The following RBM47 variants were observed in gnomAD, a reference collection of about 807,000 sequenced individuals.
The protein encoded by RBM47 is RNA-binding protein 47.
RBM47 carries 21 observed loss-of-function variants against 47.1 expected under a neutral mutation model. That is an observed-to-expected ratio of 0.45 (90% CI 0.32 to 0.64). The LOEUF (loss-of-function observed/expected upper bound fraction) is 0.64. Ranked by LOEUF, RBM47 falls within the 30% of genes least tolerant of loss-of-function variation. The probability of loss-of-function intolerance (pLI) is 0.05; values close to 1 mark genes in which losing one functional copy is unlikely to be tolerated. For missense variants in RBM47, 708 were observed against 870.9 expected (o/e 0.81, Z 2.35); for synonymous variants, 375 against 361.7 (o/e 1.04, Z -0.42).
chr4:40,498,548 C>G (rs574310668), intron 2 of RBM47, among the ~76,000 whole-genome samples: 2 of 151,366 alleles, frequency 1.3e-5, no homozygotes, highest in South Asian at 4.2e-4. Context: ...CATGGTGGTG[C>G]TTGTCTGAAG....
intron 2 of RBM47, among the ~76,000 whole-genome samples, chr4:40,478,561 T>A (rs909960550): frequency 6.6e-6 from 1 of 152,132 alleles, no homozygotes; most frequent in Non-Finnish European, 1.5e-5. Context: ...GAGGAAGAAA[T>A]GGAGCATAGT....
At chr4:40,427,620 G>A (rs192349507) in intron 6 of RBM47, 24 of 152,294 alleles carry the variant, frequency 1.6e-4, no homozygotes, top group African/African-American at 5.8e-4. Context: ...ATGCCTGGTA[G>A]TAAATGCTGG....
chr4:40,525,841 C>T (rs1435821169), intron 2 of RBM47, among the ~76,000 whole-genome samples: 1 of 136,222 alleles, frequency 7.3e-6, no homozygotes, highest in Admixed American at 7.2e-5. Flanking sequence ...TTAAGAAAAA[C>T]CAATCAACTT....
At chr4:40,493,563 C>A (rs561112225) in intron 2 of RBM47, among the ~76,000 whole-genome samples, 2 of 152,262 alleles carry the variant, frequency 1.3e-5, no homozygotes, top group South Asian at 2.1e-4. Context: ...GCAGACAGAT[C>A]ACCTGAGGTC....
chr4:40,461,936 CA>C (rs34793166), intron 3 of RBM47, among the ~76,000 whole-genome samples: 76,661 of 127,650 alleles, frequency 0.6, 21,005 homozygotes, highest in South Asian at 0.73. Flanking sequence ...AACTCCGTCT[CA>C]AAAAAAAAAA....
intron 1 of RBM47, among the ~76,000 whole-genome samples, chr4:40,621,137 T>A (rs1737231606): frequency 6.6e-6 from 1 of 152,312 alleles, no homozygotes; most frequent in East Asian, 1.9e-4. Context: ...GCCTTTTTTT[T>A]ACTGCAAAGA....
intron 2 of RBM47, among the ~76,000 whole-genome samples, chr4:40,483,124 C>T (rs981937207): frequency 6.6e-6 from 1 of 152,210 alleles, no homozygotes; most frequent in African/African-American, 2.4e-5. Flanking sequence ...TCAGTTTAGA[C>T]GGGATGCTAA....
intron 2 of RBM47, among the ~76,000 whole-genome samples, chr4:40,487,256 T>C (rs898519151): frequency 1.3e-5 from 2 of 152,226 alleles, no homozygotes; most frequent in African/African-American, 4.8e-5. Context: ...GACTCCTCCA[T>C]CTGATGATGT....
chr4:40,617,226 C>T (rs1736835455), intron 1 of RBM47, among the ~76,000 whole-genome samples: 1 of 151,978 alleles, frequency 6.6e-6, no homozygotes, highest in Admixed American at 6.6e-5. Flanking sequence ...TGGGATGAAT[C>T]TCTGTTCACA....
intron 1 of RBM47, among the ~76,000 whole-genome samples, chr4:40,562,938 C>T (rs576301834): frequency 2.0e-5 from 3 of 152,290 alleles, no homozygotes; most frequent in Admixed American, 6.5e-5. Flanking sequence ...AAAGCTGTAC[C>T]CCCAAAAGGG....
intron 1 of RBM47, among the ~76,000 whole-genome samples, chr4:40,565,886 T>A (rs947732534): frequency 6.6e-6 from 1 of 151,774 alleles, no homozygotes; most frequent in South Asian, 2.1e-4. Context: ...CTGGGTAACA[T>A]AGGGAGACCC....
Position 40,437,950 on chromosome 4 carries a change from A to C in RBM47, c.944T>G (p.Leu315Arg), listed in dbSNP as rs2154213209. 1 of 1,613,522 alleles carries C rather than the reference A, an allele frequency of 6.2e-7. No homozygotes were observed. Among genetic ancestry groups the C allele is most frequent in the South Asian group, 1.1e-5 (1 of 91,074 alleles). Residue 315 changes from leucine (L) to arginine (R), a missense_variant, in exon 4 of 7, where the codon CTG becomes CGG. By Grantham distance (102) the Leu-to-Arg change is moderately radical. Coordinates refer to ENST00000295971, the MANE Select transcript of RBM47 (RefSeq NM_001098634.2). ...CTGCTCCTTGTCCACGGGCTTGGCCAGCGTGACCTCCAGGCACGAGCCCTC... is the reference window on the plus strand; with the variant it reads ...CTGCTCCTTGTCCACGGGCTTGGCCCGCGTGACCTCCAGGCACGAGCCCTC... ...ELEGSCLEVT[L>R]AKPVDKEQYS... is the part of the protein sequence containing the mutation.
intron 1 of RBM47, among the ~76,000 whole-genome samples, chr4:40,593,128 G>A (rs1169215060): frequency 6.8e-6 from 1 of 147,498 alleles, no homozygotes; most frequent in Non-Finnish European, 1.5e-5. Context: ...CCGAGTAGCT[G>A]GGACTACAGG....
At chr4:40,521,242 C>A (rs1361892827) in intron 2 of RBM47, among the ~76,000 whole-genome samples, 1 of 151,470 alleles carries the variant, frequency 6.6e-6, no homozygotes, top group Non-Finnish European at 1.5e-5. Flanking sequence ...TGCTTGTTGC[C>A]CAGGCTGGAG....
chr4:40,458,327 A>G (rs1716597246), intron 3 of RBM47, among the ~76,000 whole-genome samples: 3 of 152,192 alleles, frequency 2.0e-5, no homozygotes, highest in South Asian at 2.1e-4. Context: ...TTTGGTGAAC[A>G]TTAGTCATTT....
At chr4:40,505,454 T>A (rs1438394385) in intron 2 of RBM47, among the ~76,000 whole-genome samples, 4 of 137,040 alleles carry the variant, frequency 2.9e-5, no homozygotes, top group African/African-American at 1.1e-4. Context: ...CCAGCCTGGG[T>A]GACACAGTAA....
intron 1 of RBM47, among the ~76,000 whole-genome samples, chr4:40,613,143 T>C (rs1256600889): frequency 6.6e-6 from 1 of 152,206 alleles, no homozygotes; most frequent in Non-Finnish European, 1.5e-5. Flanking sequence ...TGTCTCGCCA[T>C]GAAGCTGAAA....
In RBM47 at chr4:40,425,784, T is replaced by C; in HGVS notation, c.*120A>G. On this transcript the variant is annotated 3_prime_UTR_variant, in exon 7 of 7. Transcript: ENST00000295971. Reference sequence around the variant, plus strand: ...GTATATAAAATAATTCAGAAATAAATCTGCTAACATTCTTCACTTTCAGGT... The same window carrying C: ...GTATATAAAATAATTCAGAAATAAACCTGCTAACATTCTTCACTTTCAGGT... The C allele has an allele frequency of 7.3e-7, 1 of 1,373,138 alleles. No homozygotes were observed. Among genetic ancestry groups the C allele is most frequent in the Non-Finnish European group, 9.9e-7 (1 of 1,011,072 alleles). The allele number at this position is 1,373,138 out of a possible 1,614,324, so 85.1% of individuals were successfully genotyped here.
At chr4:40,591,031 G>C (rs908552844) in intron 1 of RBM47, among the ~76,000 whole-genome samples, 3 of 152,108 alleles carry the variant, frequency 2.0e-5, no homozygotes, top group African/African-American at 7.2e-5. Context: ...TCGAACTCCT[G>C]ACCTCAGGTG....
Sources: allele counts gnomAD v4.1 joint callset (sites outside exome capture counted in the v4.1 genomes callset), GRCh38; gene constraint gnomAD v4.1.1; transcripts MANE v1.5; gene names NCBI Gene and HGNC (gene_info 2026-07-23, HGNC 2026-07-21).